USP15: variants seen among roughly 807,000 people sequenced by gnomAD.
The protein encoded by USP15 is ubiquitin carboxyl-terminal hydrolase 15.
In USP15, 18 loss-of-function variants were observed where a neutral mutation model predicts 127.1. The observed-to-expected ratio is 0.14, with a 90% CI of 0.10 to 0.21. The LOEUF is 0.21. USP15 is among the 10% of genes least tolerant of loss of function. USP15 has a pLI of 1.00. For synonymous variants in USP15, 364 were observed against 393.7 expected (o/e 0.92, Z 0.89); for missense variants, 805 against 1,159.9 (o/e 0.69, Z 4.44).
At chr12:62,345,051 CA>C (rs1425173048) in intron 6 of USP15, among the ~76,000 whole-genome samples, 1 of 152,208 alleles carries the variant, frequency 6.6e-6, no homozygotes, top group Admixed American at 6.5e-5. Flanking sequence ...TGGGGATTAA[CA>C]TTTGGCTGCT....
At chr12:62,277,236 G>A (rs2063519373) in intron 1 of USP15, among the ~76,000 whole-genome samples, 2 of 152,064 alleles carry the variant, frequency 1.3e-5, no homozygotes, top group Admixed American at 6.6e-5. Flanking sequence ...AAGATAAAAT[G>A]TCATGTTTAT....
intron 6 of USP15, among the ~76,000 whole-genome samples, chr12:62,345,742 T>C (rs1278120261): frequency 1.3e-5 from 2 of 151,938 alleles, no homozygotes; most frequent in Non-Finnish European, 2.9e-5. Flanking sequence ...TCCACGTTTC[T>C]GGGGTGGGGG....
intron 4 of USP15, among the ~76,000 whole-genome samples, chr12:62,317,215 T>G (rs1019988039): frequency 6.6e-6 from 1 of 152,154 alleles, no homozygotes; most frequent in Non-Finnish European, 1.5e-5. Context: ...CAAAAATTAG[T>G]CAAGTCAGGA....
chr12:62,374,676 T>G (rs557408935), intron 8 of USP15: 7 of 796,626 alleles, frequency 8.8e-6, no homozygotes, highest in African/African-American at 7.5e-5. Context: ...AAAAAACTTA[T>G]GTAGAAATTT....
In USP15 at chr12:62,362,155, T is replaced by C. The variant is rs557552055; in HGVS notation, c.915+6680T>C. ...AGTCACTAAGACAAGTTATTATGAG[T>C]TGTTATTCAGTACATTTTGAGATAA... On this transcript the variant is annotated intron_variant, in intron 8 of 21. Coordinates refer to ENST00000280377, the MANE Select transcript of USP15 (RefSeq NM_001252078.2). 3.3e-3 allele frequency among the ~76,000 whole-genome samples: 507 copies of C among 152,178 alleles called. 3 individuals carry two copies. Among genetic ancestry groups the C allele is most frequent in the African/African-American group, 0.012 (486 of 41,546 alleles).
chr12:62,378,080 G>A (rs185062590), intron 8 of USP15, among the ~76,000 whole-genome samples: 30 of 152,138 alleles, frequency 2.0e-4, no homozygotes, highest in Admixed American at 7.9e-4. Context: ...GGTGGTGGGC[G>A]CCTATAATCC....
At chr12:62,296,804 A>G (rs113338402) in intron 2 of USP15, among the ~76,000 whole-genome samples, 1 of 152,332 alleles carries the variant, frequency 6.6e-6, no homozygotes, top group Non-Finnish European at 1.5e-5. Flanking sequence ...CTTAGTCTCA[A>G]GAGAGATTGT....
At chr12:62,373,816 A>C (rs1286597545) in intron 8 of USP15, among the ~76,000 whole-genome samples, 1 of 152,068 alleles carries the variant, frequency 6.6e-6, no homozygotes, top group East Asian at 1.9e-4. Context: ...ATTTAATGAG[A>C]TTTCCCTTTC....
chr12:62,361,425 A>G (rs1319794703), intron 8 of USP15, among the ~76,000 whole-genome samples: 1 of 151,956 alleles, frequency 6.6e-6, no homozygotes, highest in Non-Finnish European at 1.5e-5. Context: ...TCTTAGAGAA[A>G]TAGAGAGGTT....
At chr12:62,355,641 T>G (rs2066099022) in intron 8 of USP15, among the ~76,000 whole-genome samples, 166 bp downstream of exon 8, 2 of 151,978 alleles carry the variant, frequency 1.3e-5, no homozygotes, top group Non-Finnish European at 2.9e-5. Context: ...CTACTGGTAG[T>G]GGAATATATG....
At chr12:62,366,090 A>G (rs1307689938) in intron 8 of USP15, among the ~76,000 whole-genome samples, 3 of 152,228 alleles carry the variant, frequency 2.0e-5, no homozygotes, top group Non-Finnish European at 4.4e-5. Flanking sequence ...TTCTGTGAAG[A>G]AAGTCAGTGT....
chr12:62,355,209 G>A, intron 7 of USP15, 122 bp from the exon 8 acceptor site: 3 of 879,486 alleles, frequency 3.4e-6, no homozygotes, highest in Non-Finnish European at 4.8e-6. Context: ...TATCTGAGTT[G>A]AGTACTTTAT....
rs764323324 is a variant in USP15, at chr12:62,409,468, A to G, written c.*5093A>G. The G allele has an allele frequency of 6.6e-6, 1 of 152,222 alleles. No individual in the cohort carries two copies. The highest frequency in any genetic ancestry group is 1.5e-5 in the Non-Finnish European group (1 of 68,018). The allele number at this position is 152,222 out of a possible 1,614,324, so 9.4% of individuals were successfully genotyped here. On this transcript the variant is annotated 3_prime_UTR_variant, in exon 22 of 22. Coordinates refer to ENST00000280377, the MANE Select transcript of USP15 (RefSeq NM_001252078.2). ...TGTAAAATAAGACCACACACTTTCA[A>G]TATGCACAAAATATATTTTAAATGT... is the stretch of plus-strand genomic sequence containing the variant.
intron 1 of USP15, among the ~76,000 whole-genome samples, chr12:62,270,365 T>C (rs558429753): frequency 1.6e-4 from 24 of 152,252 alleles, no homozygotes; most frequent in Middle Eastern, 3.4e-3. Context: ...TTTTATTTTA[T>C]TGAAATTCAA....
At chr12:62,343,164 A>G (rs1394238064) in intron 6 of USP15, among the ~76,000 whole-genome samples, 1 of 152,178 alleles carries the variant, frequency 6.6e-6, no homozygotes, top group African/African-American at 2.4e-5. Context: ...ACTTTGCCAC[A>G]CTGTGGTGAA....
At position 62,394,379 on chromosome 12, in the gene USP15, A is replaced by G. The variant is rs575367135; in HGVS notation, c.2570+1177A>G. Among the ~76,000 whole-genome samples the G allele has an allele frequency of 3.3e-5, 5 of 152,362 alleles. No individual in the cohort carries two copies. In the South Asian group the frequency reaches 1.0e-3, roughly 32 times the overall value. ...AGGTGTATCTATAAAGGTAACTAGA[A>G]GGAAATAGATTACATAAAACAAAAT... On this transcript the variant is annotated intron_variant, in intron 19 of 21. Transcript: ENST00000280377.
chr12:62,381,950 G>A (rs2067002668), intron 9 of USP15, among the ~76,000 whole-genome samples: 1 of 151,998 alleles, frequency 6.6e-6, no homozygotes, highest in Non-Finnish European at 1.5e-5. Flanking sequence ...GTACAAGAAT[G>A]AGTATAGAGA....
At chr12:62,369,393 G>A (rs1027116614) in intron 8 of USP15, among the ~76,000 whole-genome samples, 15 of 151,378 alleles carry the variant, frequency 9.9e-5, no homozygotes, top group East Asian at 5.8e-4. Flanking sequence ...TCAGAAATCC[G>A]TTTTGCCACA....
Position 62,415,725 on chromosome 12 carries a change from G to A in USP15, c.*11350G>A, listed in dbSNP as rs993353582. The A allele has an allele frequency of 2.6e-5, 4 of 152,146 alleles. No individual in the cohort carries two copies. The highest frequency in any genetic ancestry group is 9.7e-5 in the African/African-American group (4 of 41,416). 9.4% of individuals were successfully genotyped at this position (152,146 alleles called of 1,614,324 possible). On this transcript the variant is annotated 3_prime_UTR_variant, in exon 22 of 22. Transcript: ENST00000280377. Reference sequence around the variant, plus strand: ...TGACTTTTCTCAGAATATACAGTTTGCTTGTGATGGAGGGCTATTAATATT... The same window carrying A: ...TGACTTTTCTCAGAATATACAGTTTACTTGTGATGGAGGGCTATTAATATT...
Sources: gnomAD v4.1 joint callset for allele counts (sites outside exome capture counted in the v4.1 genomes callset) on GRCh38, gnomAD v4.1.1 for gene constraint, MANE v1.5 for transcripts, NCBI Gene and HGNC (gene_info 2026-07-23, HGNC 2026-07-21) for gene names.